AVEN: variants seen among roughly 807,000 people sequenced by gnomAD.
The protein encoded by AVEN is apoptosis and caspase activation inhibitor.
Under a neutral mutation model 38.1 loss-of-function variants are expected in AVEN, and 41 were observed. The ratio of observed to expected loss-of-function variants is 1.08; its 90% confidence interval spans 0.84 to 1.40. The LOEUF (loss-of-function observed/expected upper bound fraction) is 1.40, where lower values mean the gene tolerates loss of function less well. AVEN is among the 40% of genes most tolerant of loss of function. AVEN has a pLI of 0.00. For synonymous variants in AVEN, 206 were observed against 171.8 expected (o/e 1.20, Z -1.56); for missense variants, 605 against 438.8 (o/e 1.38, Z -3.38).
intron 2 of AVEN, among the ~76,000 whole-genome samples, chr15:33,961,787 T>A (rs1339035605): frequency 8.9e-6 from 1 of 112,424 alleles, no homozygotes; most frequent in East Asian, 2.8e-4. Flanking sequence ...CACTCCAGCC[T>A]GGGCGACAGA....
intron 2 of AVEN, among the ~76,000 whole-genome samples, chr15:33,989,126 T>C (rs569035): frequency 0.48 from 73,031 of 151,514 alleles, 21,134 homozygotes; most frequent in Non-Finnish European, 0.65. Context: ...GAAGTTAAAA[T>C]AGTTCAACAA....
At chr15:33,879,560 T>TA (rs67317325) in intron 2 of AVEN, among the ~76,000 whole-genome samples, 2 of 151,696 alleles carry the variant, frequency 1.3e-5, no homozygotes, top group South Asian at 2.1e-4. Flanking sequence ...AATAATAAAA[T>TA]AAAAAAAAGA....
chr15:34,017,545 C>A (rs546129774), intron 1 of AVEN, among the ~76,000 whole-genome samples: 1 of 137,334 alleles, frequency 7.3e-6, no homozygotes, highest in African/African-American at 2.7e-5. Flanking sequence ...TGCAGTACTG[C>A]GATCAGCTTA....
intron 2 of AVEN, among the ~76,000 whole-genome samples, chr15:33,892,401 G>C (rs1314592897): frequency 6.6e-6 from 1 of 152,122 alleles, no homozygotes; most frequent in Non-Finnish European, 1.5e-5. Flanking sequence ...ATTAATTTCT[G>C]TATAAAGTGT....
At chr15:33,953,302 T>C (rs911160929) in intron 2 of AVEN, among the ~76,000 whole-genome samples, 5 of 152,018 alleles carry the variant, frequency 3.3e-5, no homozygotes, top group Non-Finnish European at 2.9e-5. Flanking sequence ...AAAGTTCATA[T>C]GGAACCAAAA....
intron 1 of AVEN, among the ~76,000 whole-genome samples, chr15:34,031,544 A>G (rs935427912): frequency 2.0e-5 from 3 of 152,194 alleles, no homozygotes; most frequent in Non-Finnish European, 4.4e-5. Context: ...AGAAATATGG[A>G]TCAGACAGAT....
intron 2 of AVEN, among the ~76,000 whole-genome samples, chr15:33,941,636 ATAATT>A (rs1567425418): frequency 6.6e-6 from 1 of 152,244 alleles, no homozygotes; most frequent in African/African-American, 2.4e-5. Flanking sequence ...CAAAGTGAGA[ATAATT>A]TAAATTACCA....
chr15:34,019,311 A>C (rs1024931635), intron 1 of AVEN, among the ~76,000 whole-genome samples: 3 of 152,240 alleles, frequency 2.0e-5, no homozygotes, highest in African/African-American at 7.2e-5. Flanking sequence ...AAGCTTATAA[A>C]GATATATTTT....
intron 2 of AVEN, chr15:33,972,336 A>C (rs1443025398): frequency 6.6e-6 from 1 of 152,084 alleles, no homozygotes; most frequent in Non-Finnish European, 1.5e-5. Flanking sequence ...AAAAATTACC[A>C]AAACACCCAA....
intron 1 of AVEN, among the ~76,000 whole-genome samples, chr15:34,011,614 A>G (rs1446393473): frequency 6.6e-6 from 1 of 152,196 alleles, no homozygotes; most frequent in African/African-American, 2.4e-5. Context: ...TGGAAAAAGC[A>G]GAGGGGAAGG....
chr15:33,937,003 C>T (rs1456480110), intron 2 of AVEN, among the ~76,000 whole-genome samples: 6 of 151,470 alleles, frequency 4.0e-5, no homozygotes, highest in South Asian at 2.1e-4. Context: ...TGGTGGCGGG[C>T]GCCTGTAGTC....
rs555740294 is a variant in AVEN, at chr15:34,033,935, G to A, written c.267+4845C>T. Among the ~76,000 whole-genome samples, 393 of 152,102 alleles carry A rather than the reference G, an allele frequency of 2.6e-3. 2 individuals are homozygous for A. Among genetic ancestry groups the A allele is most frequent in the Admixed American group, 4.2e-3 (64 of 15,274 alleles). ...CCCAAGTAGCTGGGATTACAGGTGCGCGCCACCATGCCCAGCTAACTTTTG... is the reference window on the plus strand; with the variant it reads ...CCCAAGTAGCTGGGATTACAGGTGCACGCCACCATGCCCAGCTAACTTTTG... On this transcript the variant is annotated intron_variant, in intron 1 of 5. Coordinates refer to ENST00000306730, the MANE Select transcript of AVEN (RefSeq NM_020371.3).
intron 2 of AVEN, among the ~76,000 whole-genome samples, chr15:33,986,949 G>A (rs1257693168): frequency 6.6e-6 from 1 of 152,146 alleles, no homozygotes; most frequent in Admixed American, 6.5e-5. Flanking sequence ...GAGCCACCGC[G>A]CCCAGCCCAG....
downstream of AVEN, among the ~76,000 whole-genome samples, chr15:33,861,789 T>G (rs757127509): frequency 2.6e-5 from 4 of 152,220 alleles, no homozygotes; most frequent in Admixed American, 6.5e-5. Flanking sequence ...GGGATATTTT[T>G]GGGCATGTCT....
intron 5 of AVEN, among the ~76,000 whole-genome samples, chr15:34,061,611 G>C (rs546691791): frequency 1.3e-5 from 2 of 152,278 alleles, no homozygotes; most frequent in African/African-American, 4.8e-5. Context: ...AATTAGAGGA[G>C]ACTTTTGCTT....
At chr15:33,859,112 C>T (rs995292851) in intron 11 of AVEN, 2 of 155,564 alleles carry the variant, frequency 1.3e-5, no homozygotes, top group African/African-American at 4.8e-5. Context: ...ACAGGAGGAG[C>T]AGAAAAGTCC....
At chr15:33,904,695 ATATAT>A (rs1239633732) in intron 2 of AVEN, among the ~76,000 whole-genome samples, 2 of 121,344 alleles carry the variant, frequency 1.6e-5, no homozygotes, top group African/African-American at 5.8e-5. Context: ...AAAAAAAAAA[ATATAT>A]ATATATATAT....
At position 33,975,122 on chromosome 15, in the gene AVEN, T is replaced by C. The variant is rs538844086; in HGVS notation, c.445+27910A>G. Among the ~76,000 whole-genome samples the C allele has an allele frequency of 3.9e-5, 6 of 152,330 alleles. No homozygotes were observed. The East Asian group carries it at 7.7e-4, about 20-fold the overall frequency. ...CCTGGTTGGGTTGAGACAGAAAGCT[T>C]AGAGCCCGCAGGTCCCCTTCTCACC... is the stretch of plus-strand genomic sequence containing the variant. On this transcript the variant is annotated intron_variant, in intron 2 of 5. Coordinates refer to ENST00000306730, the MANE Select transcript of AVEN (RefSeq NM_020371.3).
intron 2 of AVEN, among the ~76,000 whole-genome samples, chr15:33,925,555 A>G (rs915791605): frequency 1.3e-5 from 2 of 152,222 alleles, no homozygotes; most frequent in African/African-American, 4.8e-5. Context: ...CAGTGCTTTT[A>G]AGACAGGTGT....
Sources: allele counts gnomAD v4.1 joint callset (sites outside exome capture counted in the v4.1 genomes callset), GRCh38; gene constraint gnomAD v4.1.1; transcripts MANE v1.5; gene names NCBI Gene and HGNC (gene_info 2026-07-23, HGNC 2026-07-21).